Variants in STAG1 observed in about 807,000 individuals in gnomAD.
The protein encoded by STAG1 is cohesin subunit SA-1.
Under a neutral mutation model 170.9 loss-of-function variants are expected in STAG1, and 26 were observed. The observed-to-expected ratio is 0.15, with a 90% CI of 0.11 to 0.21. The LOEUF (loss-of-function observed/expected upper bound fraction) is 0.21. STAG1 is among the 10% of genes least tolerant of loss of function. The probability of loss-of-function intolerance (pLI) is 1.00; values close to 1 mark genes in which losing one functional copy is unlikely to be tolerated. For missense variants in STAG1, 964 were observed against 1,509.5 expected (o/e 0.64, Z 5.99); for synonymous variants, 514 against 497.7 (o/e 1.03, Z -0.44).
At chr3:136,542,079 GTA>G in intron 6 of STAG1, 38 bp downstream of exon 6, 1 of 1,411,698 alleles carries the variant, frequency 7.1e-7, no homozygotes. Context: ...TCATGTGAAA[GTA>G]TAAGTAAGCA....
At chr3:136,599,214 G>A (rs979267132) in intron 4 of STAG1, among the ~76,000 whole-genome samples, 6 of 152,032 alleles carry the variant, frequency 3.9e-5, no homozygotes, top group African/African-American at 1.4e-4. Flanking sequence ...TAGAAAATGT[G>A]GTATACATGC....
At chr3:136,434,121 C>T (rs1331004325) in intron 15 of STAG1, among the ~76,000 whole-genome samples, 1 of 152,036 alleles carries the variant, frequency 6.6e-6, no homozygotes, top group Non-Finnish European at 1.5e-5. Context: ...TATGGTCATT[C>T]AAATAATTTC....
chr3:136,485,955 CAAT>C (rs1322560146), intron 9 of STAG1, among the ~76,000 whole-genome samples: 1 of 152,186 alleles, frequency 6.6e-6, no homozygotes, highest in East Asian at 1.9e-4. Flanking sequence ...CTTTTACTAA[CAAT>C]GAGTCCATGA....
Position 136,337,876 on chromosome 3 carries a change from T to G in STAG1, c.*378A>C, listed in dbSNP as rs949096519. On this transcript the variant is annotated 3_prime_UTR_variant, in exon 34 of 34. Transcript: ENST00000383202. ...TAAATTGTACAACAGGAAAATAAAG[T>G]TAAAAATATGTTTTTTTTTACTCAA... 3.5e-5 allele frequency: 6 copies of G among 170,352 alleles called. No individual in the cohort carries two copies. The highest frequency in any genetic ancestry group is 7.5e-5 in the Non-Finnish European group (6 of 80,224). The allele number at this position is 170,352 out of a possible 1,614,324, so 10.6% of individuals were successfully genotyped here.
chr3:136,689,937 G>A (rs889257709), intron 1 of STAG1, among the ~76,000 whole-genome samples: 9 of 151,174 alleles, frequency 6.0e-5, no homozygotes, highest in Admixed American at 5.9e-4. Flanking sequence ...AGCTACTCAG[G>A]AGGCAGACAG....
intron 3 of STAG1, among the ~76,000 whole-genome samples, chr3:136,607,348 G>C (rs1324507181): frequency 6.6e-6 from 1 of 152,058 alleles, no homozygotes; most frequent in African/African-American, 2.4e-5. Flanking sequence ...ATTTATATCA[G>C]TATATACTCA....
chr3:136,491,809 A>G (rs1233858482), intron 9 of STAG1, among the ~76,000 whole-genome samples: 2 of 152,176 alleles, frequency 1.3e-5, no homozygotes, highest in South Asian at 4.1e-4. Flanking sequence ...CCAGGCCAAC[A>G]TGGTGAAACC....
chr3:136,527,228 A>T (rs571732325), intron 6 of STAG1, among the ~76,000 whole-genome samples: 1 of 152,276 alleles, frequency 6.6e-6, no homozygotes, highest in East Asian at 1.9e-4. Flanking sequence ...TTTCAGGTAC[A>T]CCAATCAGAT....
At chr3:136,709,976 A>C (rs1229867999) in intron 1 of STAG1, among the ~76,000 whole-genome samples, 1 of 152,134 alleles carries the variant, frequency 6.6e-6, no homozygotes, top group Non-Finnish European at 1.5e-5. Context: ...CAGAGGTTTC[A>C]GTCAGCCAAA....
At chr3:136,493,346 AAAACC>A (rs1397154121) in intron 9 of STAG1, among the ~76,000 whole-genome samples, 1 of 152,108 alleles carries the variant, frequency 6.6e-6, no homozygotes, top group African/African-American at 2.4e-5. Context: ...CTGTCTCAAA[AAAACC>A]AAACCAAACC....
At chr3:136,721,579 T>A (rs1468848174) in intron 1 of STAG1, 1 of 152,130 alleles carries the variant, frequency 6.6e-6, no homozygotes, top group Non-Finnish European at 1.5e-5. Context: ...GGTTCCATTA[T>A]AAAAGTGGTA....
chr3:136,583,778 G>T (rs977784866), intron 4 of STAG1, among the ~76,000 whole-genome samples: 2 of 152,108 alleles, frequency 1.3e-5, no homozygotes, highest in African/African-American at 2.4e-5. Context: ...AATAGAATGA[G>T]ACACTGTCTC....
chr3:136,714,944 T>TATAC (rs1943483374), intron 1 of STAG1, among the ~76,000 whole-genome samples: 1 of 72,946 alleles, frequency 1.4e-5, no homozygotes, highest in African/African-American at 5.1e-5. Context: ...ATTAAATATA[T>TATAC]ATATATATAT....
chr3:136,713,582 CAAA>C (rs139182292), intron 1 of STAG1, among the ~76,000 whole-genome samples: 1 of 119,978 alleles, frequency 8.3e-6, no homozygotes. Context: ...AACTCCACCT[CAAA>C]AAAAAAAAAA....
intron 6 of STAG1, among the ~76,000 whole-genome samples, chr3:136,523,923 C>G (rs1346258261): frequency 2.0e-5 from 3 of 151,838 alleles, no homozygotes; most frequent in African/African-American, 7.3e-5. Context: ...GATATTATTT[C>G]TGAGGGCTCT....
In STAG1 at chr3:136,568,879, A is replaced by G. The variant is rs1204268202; in HGVS notation, c.298-18T>C. 2.5e-6 allele frequency: 4 copies of G among 1,570,562 alleles called. No homozygotes were observed. The East Asian group carries it at 6.8e-5, about 27-fold the overall frequency. Reference sequence around the variant, plus strand: ...ACCACGGACTGTGGAAAAAAAATATAAAAATGAAAACTTCAAAAAAATTTG... The same window carrying G: ...ACCACGGACTGTGGAAAAAAAATATGAAAATGAAAACTTCAAAAAAATTTG... On this transcript the variant is annotated intron_variant, in intron 4 of 33. Transcript: ENST00000383202.
Position 136,599,815 on chromosome 3 carries a change from A to G in STAG1, c.297+4494T>C, listed in dbSNP as rs187539608. Among the ~76,000 whole-genome samples, 26 of 152,334 alleles carry G rather than the reference A, an allele frequency of 1.7e-4. No individual in the cohort carries two copies. In the East Asian group the frequency reaches 5.0e-3, roughly 29 times the overall value. On this transcript the variant is annotated intron_variant, in intron 4 of 33. Coordinates refer to ENST00000383202, the MANE Select transcript of STAG1 (RefSeq NM_005862.3). ...ATTTTCGAGACTGCTCCTGTTCCATATCTTGTTTCATCTTCCTTATTTTGT... is the reference window on the plus strand; with the variant it reads ...ATTTTCGAGACTGCTCCTGTTCCATGTCTTGTTTCATCTTCCTTATTTTGT...
At chr3:136,404,973 T>C (rs112465254) in intron 21 of STAG1, among the ~76,000 whole-genome samples, 8 of 152,224 alleles carry the variant, frequency 5.3e-5, no homozygotes, top group African/African-American at 1.4e-4. Flanking sequence ...ATCTGGGCTC[T>C]TCTATTTTTC....
intron 23 of STAG1, among the ~76,000 whole-genome samples, chr3:136,371,402 T>C (rs1390780997): frequency 6.6e-6 from 1 of 152,230 alleles, no homozygotes; most frequent in Non-Finnish European, 1.5e-5. Context: ...GCCATTGCTT[T>C]TGGTGTTTTA....
Sources: gnomAD v4.1 joint callset for allele counts (sites outside exome capture counted in the v4.1 genomes callset) on GRCh38, gnomAD v4.1.1 for gene constraint, MANE v1.5 for transcripts, NCBI Gene and HGNC (gene_info 2026-07-23, HGNC 2026-07-21) for gene names.